HNRNPUL1: variants seen among roughly 807,000 people sequenced by gnomAD.
The protein encoded by HNRNPUL1 is heterogeneous nuclear ribonucleoprotein U like 1.
Under a neutral mutation model 108.5 loss-of-function variants are expected in HNRNPUL1, and 14 were observed. That is an observed-to-expected ratio of 0.13 (90% confidence interval 0.09 to 0.20). HNRNPUL1 has a LOEUF of 0.20. Ranked by LOEUF, HNRNPUL1 falls within the 10% of genes least tolerant of loss-of-function variation. The probability of loss-of-function intolerance (pLI) is 1.00; values close to 1 mark genes in which losing one functional copy is unlikely to be tolerated. For synonymous variants in HNRNPUL1, 422 were observed against 445.2 expected (o/e 0.95, Z 0.66); for missense variants, 804 against 1,168.3 (o/e 0.69, Z 4.55).
chr19:41,279,611 GGCTGCCTA>G (rs1160076924), intron 6 of HNRNPUL1, among the ~76,000 whole-genome samples: 1 of 152,162 alleles, frequency 6.6e-6, no homozygotes, highest in East Asian at 1.9e-4. Flanking sequence ...GAGGGGCAGG[GGCTGCCTA>G]TTGAAAGGTT....
At chr19:41,262,754 T>C (rs927024573), upstream of HNRNPUL1, 2 of 151,952 alleles carry the variant, frequency 1.3e-5, no homozygotes, top group South Asian at 2.1e-4. Context: ...CAGATCGGAA[T>C]TGGGGCCGGG....
At chr19:41,301,892 T>C (rs568410506) in intron 11 of HNRNPUL1, 188 bp downstream of exon 11, 2 of 605,798 alleles carry the variant, frequency 3.3e-6, no homozygotes, top group South Asian at 2.2e-5. Flanking sequence ...CTGTCTTATG[T>C]TGGGGTTTTC....
Position 41,264,445 on chromosome 19 carries a change from G to T in HNRNPUL1, c.-59G>T. On this transcript the variant is annotated 5_prime_UTR_variant, in exon 1 of 15. It adds an upstream start codon to the 5' untranslated region. Transcript: ENST00000392006. ...TCGCCTCCTGACAGGAAAGGTTTAA[G>T]GGGGACAGAGCCCTGGGAGGCCGGG... 1 of 1,309,144 alleles carries T rather than the reference G, an allele frequency of 7.6e-7. No homozygotes were observed. Among genetic ancestry groups the T allele is most frequent in the Non-Finnish European group, 9.8e-7 (1 of 1,022,118 alleles). The allele number at this position is 1,309,144 out of a possible 1,614,324, so 81.1% of individuals were successfully genotyped here.
At chr19:41,300,095 C>T (rs1209049165) in intron 10 of HNRNPUL1, among the ~76,000 whole-genome samples, 1 of 152,180 alleles carries the variant, frequency 6.6e-6, no homozygotes, top group African/African-American at 2.4e-5. Flanking sequence ...AAGGTGTCTT[C>T]TGCCCTGGAG....
chr19:41,301,844 C>A, intron 11 of HNRNPUL1, 140 bp downstream of exon 11: 1 of 766,110 alleles, frequency 1.3e-6, no homozygotes. Context: ...TTTGTCCCTT[C>A]CTTGTCTACC....
chr19:41,276,694 G>A (rs574006891), intron 5 of HNRNPUL1: 19 of 165,350 alleles, frequency 1.1e-4, no homozygotes, highest in African/African-American at 4.3e-4. Flanking sequence ...GCCAGCTTAG[G>A]CCAGCCTCTG....
At chr19:41,277,729 A>G (rs2035657223) in intron 5 of HNRNPUL1, among the ~76,000 whole-genome samples, 1 of 151,480 alleles carries the variant, frequency 6.6e-6, no homozygotes, top group Non-Finnish European at 1.5e-5. Flanking sequence ...CTGGGCTTGA[A>G]CTCCTGAGCT....
chr19:41,304,278 GTGTT>G lies in HNRNPUL1; in HGVS notation c.2262+21_2262+24del. ...CCTCCACAGGTGAGAGAATGAGTGT[GTGTT>G]TGTATGTAGTGATCGCACGTGTGCT... On this transcript the variant is annotated intron_variant, in intron 13 of 14. Transcript: ENST00000392006. 6.3e-7 allele frequency: 1 copy of G among 1,585,304 alleles called. No individual in the cohort carries two copies. Among genetic ancestry groups the G allele is most frequent in the Non-Finnish European group, 8.6e-7 (1 of 1,163,530 alleles).
At chr19:41,282,443 A>G (rs1477188017) in intron 7 of HNRNPUL1, among the ~76,000 whole-genome samples, 3 of 152,190 alleles carry the variant, frequency 2.0e-5, no homozygotes, top group Admixed American at 6.5e-5. Context: ...CGGCCTTGCA[A>G]AGTACTGGGA....
At chr19:41,266,757 A>G (rs2034874268) in intron 1 of HNRNPUL1, among the ~76,000 whole-genome samples, 1 of 152,178 alleles carries the variant, frequency 6.6e-6, no homozygotes, top group Non-Finnish European at 1.5e-5. Context: ...AAGAGACAGG[A>G]TTTGGGGTTG....
At position 41,292,150 on chromosome 19, in the gene HNRNPUL1, C is replaced by T; in HGVS notation, c.1000-95C>T. The T allele has an allele frequency of 1.5e-6, 2 of 1,291,648 alleles. No homozygotes were observed. Among genetic ancestry groups the T allele is most frequent in the Non-Finnish European group, 2.2e-6 (2 of 905,958 alleles). 80.0% of individuals were successfully genotyped at this position (1,291,648 alleles called of 1,614,324 possible). On this transcript the variant is annotated intron_variant, in intron 7 of 14. Coordinates refer to ENST00000392006, the MANE Select transcript of HNRNPUL1 (RefSeq NM_007040.6). This position sits in a 1 kb window ranked among gnomAD's most constrained non-coding sequence, Gnocchi z 4.1. ...GATGCACTTCAATCTGGAAAGCTGT[C>T]CACATTCTACTCCCTGCATCTACTG...
chr19:41,270,543 G>A (rs559612807), intron 2 of HNRNPUL1, among the ~76,000 whole-genome samples: 1 of 149,176 alleles, frequency 6.7e-6, no homozygotes, highest in Non-Finnish European at 1.5e-5. Flanking sequence ...ATCATGTTAA[G>A]TATATGTCTT....
At chr19:41,282,301 G>C (rs907593853) in intron 7 of HNRNPUL1, among the ~76,000 whole-genome samples, 1 of 152,242 alleles carries the variant, frequency 6.6e-6, no homozygotes, top group South Asian at 2.1e-4. Flanking sequence ...TCCTGCCTCA[G>C]CCCCCTGAGT....
rs757326033 is a variant in HNRNPUL1, at chr19:41,304,252, C to T, written c.2253C>T (p.Ser751=). The T allele has an allele frequency of 6.2e-7, 1 of 1,607,656 alleles. No individual in the cohort carries two copies. The highest frequency in any genetic ancestry group is 1.7e-5 in the Admixed American group (1 of 59,426). The change falls in exon 13 of 15, where the codon AGC becomes AGT. Residue 751 remains serine, a synonymous_variant. Transcript: ENST00000392006. The stretch of plus-strand genomic sequence containing the variant: ...GCACCCCCACCGTCAGCAGCTACAG[C>T]CCTCCACAGGTGAGAGAATGAGTGT... ...NTSTPTVSSY[S]PPQPSYSQPP...
chr19:41,268,176 C>G, intron 1 of HNRNPUL1, 47 bp from the exon 2 acceptor site: 1 of 1,602,022 alleles, frequency 6.2e-7, no homozygotes, highest in Non-Finnish European at 8.5e-7. Context: ...GTCCAGGGTT[C>G]TTCATGAACC....
chr19:41,290,751 T>TC (rs1206859799), intron 7 of HNRNPUL1, among the ~76,000 whole-genome samples: 1 of 152,118 alleles, frequency 6.6e-6, no homozygotes, highest in East Asian at 1.9e-4. Flanking sequence ...ACTGAAGCCA[T>TC]CCACCTTCTA....
intron 5 of HNRNPUL1, among the ~76,000 whole-genome samples, chr19:41,277,639 T>C (rs182517093): frequency 6.6e-6 from 1 of 152,276 alleles, no homozygotes; most frequent in East Asian, 1.9e-4. Flanking sequence ...CCCCAGTAGC[T>C]GGGATTACAG....
chr19:41,290,391 AAC>A (rs2036514591), intron 7 of HNRNPUL1, among the ~76,000 whole-genome samples: 1 of 152,212 alleles, frequency 6.6e-6, no homozygotes, highest in Non-Finnish European at 1.5e-5. Context: ...ATGTTTCCAA[AAC>A]ACAGTTTTGA....
chr19:41,295,048 T>C (rs2036808135), intron 10 of HNRNPUL1, among the ~76,000 whole-genome samples: 1 of 152,226 alleles, frequency 6.6e-6, no homozygotes, highest in Admixed American at 6.5e-5. Flanking sequence ...TCTCTGAATC[T>C]CCATCTCTTG....
Sources: gnomAD v4.1 joint callset for allele counts (sites outside exome capture counted in the v4.1 genomes callset) on GRCh38, gnomAD v4.1.1 for gene constraint, Gnocchi (gnomAD v3.1) non-coding constraint, MANE v1.5 for transcripts, NCBI Gene and HGNC (gene_info 2026-07-23, HGNC 2026-07-21) for gene names.